ZHX3: variants seen among roughly 807,000 people sequenced by gnomAD.
ZHX3 encodes zinc fingers and homeoboxes protein 3.
A neutral mutation model predicts 64.5 loss-of-function variants in ZHX3; 20 were observed. The ratio of observed to expected loss-of-function variants is 0.31; its 90% CI spans 0.22 to 0.45. ZHX3 has a LOEUF of 0.45. Ranked by LOEUF, ZHX3 falls within the 20% of genes least tolerant of loss-of-function variation. The pLI, the probability that ZHX3 is intolerant of heterozygous loss-of-function variation, is 1.00. For missense variants in ZHX3, 1,041 were observed against 1,195.8 expected (o/e 0.87, Z 1.91); for synonymous variants, 423 against 461.6 (o/e 0.92, Z 1.07).
rs2038517371 is a variant in ZHX3 at position 41,204,302 on chromosome 20, A to T, written c.615T>A (p.Asn205Lys). 1 of 1,614,206 alleles carries T rather than the reference A, an allele frequency of 6.2e-7. No homozygotes were observed. Residue 205 changes from asparagine (N) to lysine (K), a missense_variant, in exon 3 of 4, where the codon AAT (asparagine) becomes AAA (lysine). By Grantham distance (94) the Asn-to-Lys change is moderately conservative. Coordinates refer to ENST00000683867, the MANE Select transcript of ZHX3 (RefSeq NM_001384317.1). The surrounding 1 kb of genome is among the most constrained non-coding windows in gnomAD (Gnocchi z 6.6). Reference protein sequence around the residue: ...EAKKIHTLKENVPSQPVGEAL... With the variant: ...EAKKIHTLKEKVPSQPVGEAL... Reference sequence around the variant, plus strand: ...CCTCACCCACAGGCTGGCTAGGGACATTCTCCTTGAGTGTATGAATTTTTT... The same window carrying T: ...CCTCACCCACAGGCTGGCTAGGGACTTTCTCCTTGAGTGTATGAATTTTTT...
chr20:41,200,464 G>A lies in ZHX3; in HGVS notation c.2860+1593C>T, dbSNP rs1451872948. 2.6e-5 allele frequency among the ~76,000 whole-genome samples: 4 copies of A among 152,124 alleles called. No individual in the cohort carries two copies. Among genetic ancestry groups the A allele is most frequent in the Non-Finnish European group, 5.9e-5 (4 of 67,990 alleles). The stretch of plus-strand genomic sequence containing the variant: ...ACTACCTGCTCTGCATTATAAAAAA[G>A]TTAAACTAGCCATAAAAACCTGTTG... On this transcript the variant is annotated intron_variant, in intron 3 of 3. Coordinates refer to ENST00000683867, the MANE Select transcript of ZHX3 (RefSeq NM_001384317.1). The surrounding 1 kb of genome is among the most constrained non-coding windows in gnomAD (Gnocchi z 4.2).
intron 1 of ZHX3, among the ~76,000 whole-genome samples, chr20:41,300,726 G>C (rs1258210591): frequency 6.6e-6 from 1 of 152,172 alleles, no homozygotes; most frequent in African/African-American, 2.4e-5. Flanking sequence ...GGCAGGATAG[G>C]GTTTATTCTA....
rs1346367477 is a variant in ZHX3, at chr20:41,212,196, A to G, written c.-150-7130T>C. 7.2e-5 allele frequency among the ~76,000 whole-genome samples: 11 copies of G among 152,214 alleles called. No individual in the cohort carries two copies. The highest frequency in any genetic ancestry group is 2.7e-4 in the African/African-American group (11 of 41,454). On this transcript the variant is annotated intron_variant, in intron 2 of 3. Transcript: ENST00000683867. This position sits in a 1 kb window ranked among gnomAD's most constrained non-coding sequence, Gnocchi z 4.3. ...TAAATAACTTACAACTCAACCATAG[A>G]AAGATAATTTTTAAACGGGTAAAGG...
At chr20:41,243,533 T>C (rs1323580586) in intron 2 of ZHX3, among the ~76,000 whole-genome samples, 2 of 152,186 alleles carry the variant, frequency 1.3e-5, no homozygotes, top group African/African-American at 4.8e-5. Context: ...GGAAGCTAAA[T>C]AAAGCTCAGG....
intron 2 of ZHX3, among the ~76,000 whole-genome samples, chr20:41,221,928 G>T (rs568578763): frequency 6.6e-6 from 1 of 152,236 alleles, no homozygotes; most frequent in Non-Finnish European, 1.5e-5. Flanking sequence ...AGAGGCTGTG[G>T]TAGGGGGCAG....
Position 41,200,814 on chromosome 20 carries a change from A to G in ZHX3, c.2860+1243T>C, listed in dbSNP as rs767504342. Among the ~76,000 whole-genome samples, 1 of 152,234 alleles carries G rather than the reference A, an allele frequency of 6.6e-6. No homozygotes were observed. Among genetic ancestry groups the G allele is most frequent in the Non-Finnish European group, 1.5e-5 (1 of 68,046 alleles). ...CCCAACCCACCAAATTATGGGCCAAAAAGGAAGTCTCTTTTTCCTTAATTC... is the reference window on the plus strand; with the variant it reads ...CCCAACCCACCAAATTATGGGCCAAGAAGGAAGTCTCTTTTTCCTTAATTC... On this transcript the variant is annotated intron_variant, in intron 3 of 3. Transcript: ENST00000683867. The surrounding 1 kb of genome is among the most constrained non-coding windows in gnomAD (Gnocchi z 4.2).
intron 1 of ZHX3, among the ~76,000 whole-genome samples, chr20:41,316,708 A>T (rs901019860): frequency 2.0e-5 from 3 of 152,248 alleles, no homozygotes; most frequent in African/African-American, 7.2e-5. Context: ...ATCACTGCTC[A>T]GAAATGTAAA....
At position 41,236,484 on chromosome 20, in the gene ZHX3, G is replaced by A. The variant is rs146733608; in HGVS notation, c.-150-31418C>T. ...TAATGCCACATATCTACAACCATCT[G>A]ATCTTTGACAAACCTGACAAAAACA... is the stretch of plus-strand genomic sequence containing the variant. On this transcript the variant is annotated intron_variant, in intron 2 of 3. Transcript: ENST00000683867. Among the ~76,000 whole-genome samples the A allele has an allele frequency of 7.8e-3, 1,181 of 152,250 alleles. 11 individuals are homozygous for A. The highest frequency in any genetic ancestry group is 0.027 in the African/African-American group (1,118 of 41,536).
At position 41,289,157 on chromosome 20, in the gene ZHX3, A is replaced by AT. The variant is rs200903396; in HGVS notation, c.-244-20075dup. ...TAGGCATTCATGTCATGTCCAGTTAATTTTTTTTTATTTTTTTGTAGAGAC... is the reference window on the plus strand; with the variant it reads ...TAGGCATTCATGTCATGTCCAGTTAATTTTTTTTTTATTTTTTTGTAGAGAC... On this transcript the variant is annotated intron_variant, in intron 1 of 3. Transcript: ENST00000683867. Among the ~76,000 whole-genome samples, 657 of 149,990 alleles carry AT rather than the reference A, an allele frequency of 4.4e-3. 2 individuals are homozygous for AT. Among genetic ancestry groups the AT allele is most frequent in the African/African-American group, 0.013 (514 of 40,862 alleles).
rs112468167 is a variant in ZHX3, at chr20:41,312,398, G to A, written c.-245+5111C>T. Among the ~76,000 whole-genome samples, 952 of 152,160 alleles carry A rather than the reference G, an allele frequency of 6.3e-3. 5 individuals are homozygous for A. The highest frequency in any genetic ancestry group is 0.016 in the East Asian group (83 of 5,170). On this transcript the variant is annotated intron_variant, in intron 1 of 3. Coordinates refer to ENST00000683867, the MANE Select transcript of ZHX3 (RefSeq NM_001384317.1). Reference sequence around the variant, plus strand: ...CAGGTTGTGGAAGCTTTGTTTTTTCGCTCTTCACAATAAATCTTGCTGCTA... The same window carrying A: ...CAGGTTGTGGAAGCTTTGTTTTTTCACTCTTCACAATAAATCTTGCTGCTA...
chr20:41,269,793 C>T (rs754400778), intron 1 of ZHX3, among the ~76,000 whole-genome samples: 9 of 151,906 alleles, frequency 5.9e-5, no homozygotes, highest in East Asian at 1.9e-4. Context: ...TTCCAACAGA[C>T]GTGTAGGCAT....
chr20:41,211,705 G>A (rs1166423233), intron 2 of ZHX3, among the ~76,000 whole-genome samples: 1 of 152,074 alleles, frequency 6.6e-6, no homozygotes, highest in African/African-American at 2.4e-5. Flanking sequence ...CAATGAATTT[G>A]ACTTATCCAC....
chr20:41,284,490 T>C (rs1433716055), intron 1 of ZHX3, among the ~76,000 whole-genome samples: 2 of 152,158 alleles, frequency 1.3e-5, no homozygotes, highest in Admixed American at 6.5e-5. Context: ...TCTCAGTGTA[T>C]ACCCAAGTGC....
chr20:41,192,427 T>C (rs1246637821), intron 3 of ZHX3, among the ~76,000 whole-genome samples: 1 of 152,158 alleles, frequency 6.6e-6, no homozygotes, highest in East Asian at 1.9e-4. Context: ...AATGCTTGGA[T>C]AGGGAGTGGC....
At chr20:41,245,493 A>G (rs1437903177) in intron 2 of ZHX3, among the ~76,000 whole-genome samples, 1 of 152,236 alleles carries the variant, frequency 6.6e-6, no homozygotes, top group Non-Finnish European at 1.5e-5. Flanking sequence ...CCCCAGTGAT[A>G]CAAAGAAGGG....
chr20:41,240,911 T>A (rs1364033653), intron 2 of ZHX3, among the ~76,000 whole-genome samples: 1 of 152,246 alleles, frequency 6.6e-6, no homozygotes, highest in African/African-American at 2.4e-5. Flanking sequence ...TATCCATTCA[T>A]CTGTTGATGG....
At chr20:41,272,687 C>T (rs897227559) in intron 1 of ZHX3, among the ~76,000 whole-genome samples, 5 of 152,326 alleles carry the variant, frequency 3.3e-5, no homozygotes, top group Non-Finnish European at 5.9e-5. Flanking sequence ...AGTTCATCTA[C>T]ATTGCAGCAT....
In ZHX3 at chr20:41,232,995, C is replaced by T. The variant is rs1361683600; in HGVS notation, c.-150-27929G>A. 1.3e-5 allele frequency among the ~76,000 whole-genome samples: 2 copies of T among 152,208 alleles called. No homozygotes were observed. Among genetic ancestry groups the T allele is most frequent in the Admixed American group, 6.5e-5 (1 of 15,286 alleles). ...CTTAGGGTTCGTTTAATCGCTACAT[C>T]CATCTTTATCAAGCACCTGCGATGC... On this transcript the variant is annotated intron_variant, in intron 2 of 3. Coordinates refer to ENST00000683867, the MANE Select transcript of ZHX3 (RefSeq NM_001384317.1). The surrounding 1 kb of genome is among the most constrained non-coding windows in gnomAD (Gnocchi z 5.0).
intron 2 of ZHX3, among the ~76,000 whole-genome samples, chr20:41,211,241 T>G (rs1159074574): frequency 6.6e-6 from 1 of 152,176 alleles, no homozygotes; most frequent in African/African-American, 2.4e-5. Context: ...TAGCAAATCA[T>G]AATGCTCTAA....
Sources: gnomAD v4.1 joint callset for allele counts (sites outside exome capture counted in the v4.1 genomes callset) on GRCh38, gnomAD v4.1.1 for gene constraint, Gnocchi (gnomAD v3.1) non-coding constraint, MANE v1.5 for transcripts, NCBI Gene and HGNC (gene_info 2026-07-23, HGNC 2026-07-21) for gene names.